DLG2: variants seen among roughly 807,000 people sequenced by gnomAD.
DLG2 encodes the protein discs large MAGUK scaffold protein 2.
DLG2 carries 45 observed loss-of-function variants against 132.5 expected under a neutral mutation model. That is an observed-to-expected ratio of 0.34 (90% CI 0.27 to 0.44). The LOEUF is 0.44. Among genes scored for constraint, DLG2 ranks in the 20% least tolerant of loss-of-function variants. DLG2 has a pLI of 1.00. For synonymous variants in DLG2, 424 were observed against 419.6 expected, an observed-to-expected ratio of 1.01 and a Z score of -0.13; for missense variants, 1,045 against 1,196.9, an observed-to-expected ratio of 0.87 and a Z score of 1.87.
In DLG2 at chr11:84,998,746, A is replaced by AT. The variant is rs897357148; in HGVS notation, c.357+112914dup. ...TGTTGCCTCCCAAGACCATAAGCGG[A>AT]TTTTTTTTTGTCTTGTGCATAGGGT... is the stretch of plus-strand genomic sequence containing the variant. On this transcript the variant is annotated intron_variant, in intron 6 of 27. Coordinates refer to ENST00000376104, the MANE Select transcript of DLG2 (RefSeq NM_001142699.3). Among the ~76,000 whole-genome samples, 840 of 150,954 alleles carry AT rather than the reference A, an allele frequency of 5.6e-3. 9 individuals are homozygous for AT. The highest frequency in any genetic ancestry group is 0.019 in the African/African-American group (802 of 41,230).
In DLG2 at chr11:84,914,490, G is replaced by A. The variant is rs551611088; in HGVS notation, c.357+197171C>T. 4.6e-5 allele frequency among the ~76,000 whole-genome samples: 7 copies of A among 152,262 alleles called. No homozygotes were observed. The South Asian group carries it at 1.4e-3, about 32-fold the overall frequency. The stretch of plus-strand genomic sequence containing the variant: ...GGATGCTCAAACTTCAATTTGTTAT[G>A]AAGTCTTCTAAGTATAAGCACCCCA... On this transcript the variant is annotated intron_variant, in intron 6 of 27. Transcript: ENST00000376104.
At chr11:85,242,646 A>G (rs2075944706) in intron 4 of DLG2, among the ~76,000 whole-genome samples, 1 of 151,440 alleles carries the variant, frequency 6.6e-6, no homozygotes, top group African/African-American at 2.4e-5. Flanking sequence ...TATTCATCCC[A>G]TCTGTTATGT....
intron 3 of DLG2, among the ~76,000 whole-genome samples, chr11:85,530,302 T>A (rs193173422): frequency 1.3e-5 from 2 of 150,644 alleles, no homozygotes; most frequent in Non-Finnish European, 3.0e-5. Flanking sequence ...GGCCTTTTTT[T>A]ATTTTTATTT....
intron 6 of DLG2, among the ~76,000 whole-genome samples, chr11:85,055,925 T>C (rs2063404178): frequency 6.6e-6 from 1 of 152,132 alleles, no homozygotes; most frequent in Admixed American, 6.6e-5. Context: ...AACTGAAACA[T>C]TGTGCTTGAT....
intron 8 of DLG2, among the ~76,000 whole-genome samples, chr11:84,194,991 G>A (rs1670683): frequency 1.4e-4 from 21 of 152,184 alleles, no homozygotes; most frequent in Non-Finnish European, 2.9e-4. Context: ...CTGCAAGCAG[G>A]GGGAGATGGC....
At chr11:85,524,176 G>T (rs534168684) in intron 3 of DLG2, among the ~76,000 whole-genome samples, 5 of 152,018 alleles carry the variant, frequency 3.3e-5, no homozygotes, top group African/African-American at 1.2e-4. Context: ...TCTAGTATTT[G>T]GTAGCAAAGC....
At chr11:85,615,973 T>C (rs968453099) in intron 2 of DLG2, among the ~76,000 whole-genome samples, 1 of 136,590 alleles carries the variant, frequency 7.3e-6, no homozygotes, top group African/African-American at 2.7e-5. Context: ...ATCTACAAAA[T>C]AATTTTTATA....
intron 15 of DLG2, among the ~76,000 whole-genome samples, chr11:83,912,233 C>A (rs925326008): frequency 1.3e-5 from 2 of 151,862 alleles, no homozygotes; most frequent in African/African-American, 2.4e-5. Flanking sequence ...ATCACAAAAA[C>A]CAAAAAGTAA....
intron 10 of DLG2, among the ~76,000 whole-genome samples, chr11:84,073,219 A>G (rs1026191284): frequency 6.6e-6 from 1 of 152,154 alleles, no homozygotes; most frequent in Non-Finnish European, 1.5e-5. Flanking sequence ...CATCCTTTCC[A>G]GTGACTTTGT....
chr11:84,955,633 T>C (rs953989873), intron 6 of DLG2: 1 of 152,228 alleles, frequency 6.6e-6, no homozygotes, highest in Admixed American at 6.5e-5. Context: ...AAAACAAGAC[T>C]ATGATACATG....
intron 15 of DLG2, among the ~76,000 whole-genome samples, chr11:83,925,120 T>C (rs1306594053): frequency 6.6e-6 from 1 of 152,056 alleles, no homozygotes; most frequent in Non-Finnish European, 1.5e-5. Context: ...CACATAACAA[T>C]CTGAAACCTA....
intron 19 of DLG2, among the ~76,000 whole-genome samples, chr11:83,597,115 G>A (rs542620231): frequency 1.3e-5 from 2 of 152,220 alleles, no homozygotes; most frequent in East Asian, 3.9e-4. Flanking sequence ...CTCAACAGTT[G>A]TATCTATAAA....
chr11:84,158,738 C>T (rs1275354573), intron 9 of DLG2, among the ~76,000 whole-genome samples: 1 of 152,148 alleles, frequency 6.6e-6, no homozygotes, highest in Non-Finnish European at 1.5e-5. Context: ...GGGTATTTGA[C>T]ATCTAATAAA....
At position 84,451,276 on chromosome 11, in the gene DLG2, GA is replaced by G. The variant is rs1222228081; in HGVS notation, c.519+83293del. Among the ~76,000 whole-genome samples, 6 of 151,734 alleles carry G rather than the reference GA, an allele frequency of 4.0e-5. No individual in the cohort carries two copies. In the East Asian group the frequency reaches 9.7e-4, roughly 24 times the overall value. ...AAACTTTCGTTAAATTAATGTCTTAGAAATTTAATTATCTCATTAAATTTCT... is the reference window on the plus strand; with the variant it reads ...AAACTTTCGTTAAATTAATGTCTTAGAATTTAATTATCTCATTAAATTTCT... On this transcript the variant is annotated intron_variant, in intron 7 of 27. Transcript: ENST00000376104.
At chr11:85,271,633 C>T (rs1165551799) in intron 4 of DLG2, among the ~76,000 whole-genome samples, 1 of 152,220 alleles carries the variant, frequency 6.6e-6, no homozygotes, top group Non-Finnish European at 1.5e-5. Flanking sequence ...ACCATGGGGA[C>T]CCAGCTCTTG....
intron 4 of DLG2, among the ~76,000 whole-genome samples, chr11:85,204,128 G>C (rs1007833610): frequency 3.3e-5 from 5 of 152,084 alleles, no homozygotes; most frequent in African/African-American, 1.2e-4. Flanking sequence ...TACCGAACAA[G>C]ATGAAGATGC....
At chr11:83,635,842 G>A (rs1409938127) in intron 18 of DLG2, among the ~76,000 whole-genome samples, 1 of 152,134 alleles carries the variant, frequency 6.6e-6, no homozygotes, top group African/African-American at 2.4e-5. Context: ...GGATCTTGGT[G>A]TATATGTGAA....
intron 6 of DLG2, among the ~76,000 whole-genome samples, chr11:84,763,929 G>A (rs886738036): frequency 8.5e-5 from 13 of 152,206 alleles, no homozygotes; most frequent in African/African-American, 2.9e-4. Flanking sequence ...ATCAGCAAAA[G>A]CCAGGGGAGA....
chr11:83,577,748 AATAT>A (rs1181850295), intron 19 of DLG2, among the ~76,000 whole-genome samples: 2 of 127,296 alleles, frequency 1.6e-5, no homozygotes, highest in Non-Finnish European at 3.1e-5. Flanking sequence ...GGATATTATA[AATAT>A]ATAATTATTA....
Sources: gnomAD v4.1 joint callset for allele counts (sites outside exome capture counted in the v4.1 genomes callset) on GRCh38, gnomAD v4.1.1 for gene constraint, MANE v1.5 for transcripts, NCBI Gene and HGNC (gene_info 2026-07-23, HGNC 2026-07-21) for gene names.